The following SKAP1 variants were observed in gnomAD, a reference collection of about 807,000 sequenced individuals.
SKAP1 encodes the protein src kinase-associated phosphoprotein 1.
A neutral mutation model predicts 58.5 loss-of-function variants in SKAP1; 44 were observed. The ratio of observed to expected loss-of-function variants is 0.75; its 90% CI spans 0.59 to 0.97. The LOEUF (loss-of-function observed/expected upper bound fraction) is 0.97. SKAP1 is among the 50% of genes least tolerant of loss of function. The probability of loss-of-function intolerance (pLI) is 0.00; values close to 1 mark genes in which losing one functional copy is unlikely to be tolerated. For missense variants in SKAP1, 390 were observed against 435.2 expected (o/e 0.90, Z 0.92); for synonymous variants, 127 against 149.7 (o/e 0.85, Z 1.11).
At position 48,206,628 on chromosome 17, in the gene SKAP1, T is replaced by A. The variant is rs570987962; in HGVS notation, c.281-17128A>T. ...GCTGGGATGGAATAGGAATGCTGAC[T>A]CCTCCCCTATCATAATATAAAATCA... On this transcript the variant is annotated intron_variant, in intron 4 of 12. Coordinates refer to ENST00000336915, the MANE Select transcript of SKAP1 (RefSeq NM_003726.4). 1.6e-4 allele frequency among the ~76,000 whole-genome samples: 25 copies of A among 152,120 alleles called. No individual in the cohort carries two copies. The South Asian group carries it at 5.2e-3, about 31-fold the overall frequency.
chr17:48,339,228 A>G (rs1238506409), intron 4 of SKAP1, among the ~76,000 whole-genome samples: 1 of 152,262 alleles, frequency 6.6e-6, no homozygotes, highest in African/African-American at 2.4e-5. Context: ...AAAGAAAAAT[A>G]TACCTTCTAG....
intron 6 of SKAP1, among the ~76,000 whole-genome samples, chr17:48,187,464 T>A (rs1323709667): frequency 6.6e-6 from 1 of 152,256 alleles, no homozygotes; most frequent in Non-Finnish European, 1.5e-5. Context: ...ATTGTTTAAG[T>A]TCTTTAAGTC....
chr17:48,258,553 A>G (rs1022786988), intron 4 of SKAP1, among the ~76,000 whole-genome samples: 4 of 152,110 alleles, frequency 2.6e-5, no homozygotes, highest in African/African-American at 7.2e-5. Context: ...GCCGTTAAGG[A>G]AACTTAAATG....
Position 48,415,572 on chromosome 17 carries a change from T to C in SKAP1, c.46+14503A>G, listed in dbSNP as rs71377363. On this transcript the variant is annotated intron_variant, in intron 1 of 12. Transcript: ENST00000336915. ...TAAGCCTGTTGGTTGGCAGTCACAC[T>C]CTCAACAGAAAGATAGAGTTGGAGG... is the stretch of plus-strand genomic sequence containing the variant. Among the ~76,000 whole-genome samples the C allele has an allele frequency of 2.3e-3, 344 of 152,084 alleles. 1 individual carries two copies. Among genetic ancestry groups the C allele is most frequent in the African/African-American group, 7.6e-3 (316 of 41,484 alleles).
chr17:48,292,729 T>G (rs1195361041), intron 4 of SKAP1, among the ~76,000 whole-genome samples: 1 of 152,220 alleles, frequency 6.6e-6, no homozygotes, highest in Non-Finnish European at 1.5e-5. Context: ...TAAGTTATAC[T>G]GCAGGTCTTG....
At chr17:48,182,349 A>G (rs1320018198) in intron 8 of SKAP1, 45 bp downstream of exon 8, 3 of 1,369,326 alleles carry the variant, frequency 2.2e-6, no homozygotes, top group Non-Finnish European at 3.1e-6. Flanking sequence ...CATAACTTCA[A>G]CTGCAAATCA....
At chr17:48,320,602 C>T (rs1029187700) in intron 4 of SKAP1, among the ~76,000 whole-genome samples, 8 of 152,144 alleles carry the variant, frequency 5.3e-5, no homozygotes, top group Middle Eastern at 3.4e-3. Context: ...AAAAATCATA[C>T]AAGTTTTTAT....
At chr17:48,306,516 T>C (rs1245315523) in intron 4 of SKAP1, among the ~76,000 whole-genome samples, 2 of 152,240 alleles carry the variant, frequency 1.3e-5, no homozygotes, top group Admixed American at 6.5e-5. Context: ...TGCTGTCTAA[T>C]TGTTCTCTAG....
At chr17:48,240,097 G>C (rs895071875) in intron 4 of SKAP1, among the ~76,000 whole-genome samples, 2 of 152,020 alleles carry the variant, frequency 1.3e-5, no homozygotes, top group African/African-American at 4.8e-5. Context: ...ATCTAATAAT[G>C]GCCTCTCTGG....
At chr17:48,171,852 G>A (rs1182198560) in intron 9 of SKAP1, among the ~76,000 whole-genome samples, 1 of 151,950 alleles carries the variant, frequency 6.6e-6, no homozygotes, top group Admixed American at 6.6e-5. Context: ...CATGAGGTCA[G>A]GAGTTGGAGA....
Position 48,333,752 on chromosome 17 carries a change from T to C in SKAP1, c.280+12153A>G, listed in dbSNP as rs138379699. On this transcript the variant is annotated intron_variant, in intron 4 of 12. Transcript: ENST00000336915. The stretch of plus-strand genomic sequence containing the variant: ...TAAAAAGTTTTCCCTGTTTAGCTCC[T>C]TCTAATGTATCTCATCCCAAACAAA... Among the ~76,000 whole-genome samples, 807 of 152,184 alleles carry C rather than the reference T, an allele frequency of 5.3e-3. 7 individuals are homozygous for C. Among genetic ancestry groups the C allele is most frequent in the African/African-American group, 0.019 (771 of 41,564 alleles).
intron 3 of SKAP1, among the ~76,000 whole-genome samples, chr17:48,348,845 CT>C (rs1470602341): frequency 6.6e-6 from 1 of 152,204 alleles, no homozygotes; most frequent in East Asian, 1.9e-4. Flanking sequence ...ACAGCCACCC[CT>C]GGTGTCAAAC....
rs148857248 is a variant in SKAP1 at position 48,335,853 on chromosome 17, TAAGA to T, written c.280+10048_280+10051del. 8.8e-3 allele frequency among the ~76,000 whole-genome samples: 1,344 copies of T among 152,274 alleles called. 11 individuals carry two copies. The highest frequency in any genetic ancestry group is 0.014 in the Non-Finnish European group (954 of 67,962). ...ATAATAAGAACATATGAAATGATTT[TAAGA>T]AAGTAATATTTTTGAGGTTTTAAGG... On this transcript the variant is annotated intron_variant, in intron 4 of 12. Transcript: ENST00000336915.
At chr17:48,191,054 C>T (rs1278638905) in intron 4 of SKAP1, among the ~76,000 whole-genome samples, 1 of 152,166 alleles carries the variant, frequency 6.6e-6, no homozygotes, top group Non-Finnish European at 1.5e-5. Context: ...AAATAATACC[C>T]TGAAACTTAC....
At chr17:48,146,429 G>A (rs1443717349) in intron 11 of SKAP1, among the ~76,000 whole-genome samples, 1 of 151,084 alleles carries the variant, frequency 6.6e-6, no homozygotes, top group African/African-American at 2.4e-5. Flanking sequence ...GGAGGCAGAG[G>A]TTGCAGTGAG....
chr17:48,159,214 A>G (rs113102692), intron 11 of SKAP1, among the ~76,000 whole-genome samples: 20 of 152,372 alleles, frequency 1.3e-4, no homozygotes, highest in Non-Finnish European at 2.2e-4. Context: ...TGAATAAGTA[A>G]TTAAGGCTAA....
At chr17:48,420,937 C>T (rs1029133517) in intron 1 of SKAP1, among the ~76,000 whole-genome samples, 4 of 152,158 alleles carry the variant, frequency 2.6e-5, no homozygotes, top group African/African-American at 9.7e-5. Flanking sequence ...TTGCCAAAAG[C>T]CCCCAGGGTC....
At chr17:48,438,418 C>G in the SKAP1 span, among the ~76,000 whole-genome samples, 9 of 152,268 alleles carry the variant, frequency 5.9e-5, no homozygotes, top group East Asian at 1.7e-3. Flanking sequence ...ATCTTTCTTA[C>G]TCATTAAAGA....
At chr17:48,183,621 GGT>G (rs142190031) in intron 7 of SKAP1, among the ~76,000 whole-genome samples, 16,555 of 152,078 alleles carry the variant, frequency 0.11, 1,073 homozygotes, top group Middle Eastern at 0.17. Context: ...TAGAAATACT[GGT>G]TTAGACTTGT....
Sources: gnomAD v4.1 joint callset for allele counts (sites outside exome capture counted in the v4.1 genomes callset) on GRCh38, gnomAD v4.1.1 for gene constraint, MANE v1.5 for transcripts, NCBI Gene and HGNC (gene_info 2026-07-23, HGNC 2026-07-21) for gene names.